The following MTOR variants were observed in gnomAD, a reference collection of about 807,000 sequenced individuals.
MTOR encodes the protein mechanistic target of rapamycin kinase.
In MTOR, 70 loss-of-function variants were observed where a neutral mutation model predicts 319.8. That is an observed-to-expected ratio of 0.22 (90% CI 0.18 to 0.27). The LOEUF (loss-of-function observed/expected upper bound fraction) is 0.27, where lower values mean the gene tolerates loss of function less well. Ranked by LOEUF, MTOR falls within the 10% of genes least tolerant of loss-of-function variation. The pLI is 1.00. For synonymous variants in MTOR, 1,183 were observed against 1,211.4 expected (o/e 0.98, Z 0.49); for missense variants, 1,890 against 3,274.4 (o/e 0.58, Z 10.32).
chr1:11,218,593 CAGAA>C (rs1190477093), intron 19 of MTOR, among the ~76,000 whole-genome samples: 2 of 152,054 alleles, frequency 1.3e-5, no homozygotes, highest in Middle Eastern at 3.2e-3. Flanking sequence ...AACTGAGAGA[CAGAA>C]AGAGGAAACA....
intron 28 of MTOR, among the ~76,000 whole-genome samples, chr1:11,182,043 C>G (rs994565682): frequency 5.9e-5 from 9 of 151,846 alleles, no homozygotes; most frequent in Middle Eastern, 6.8e-3. Flanking sequence ...CATGGAGAAA[C>G]CCCCTCTCTA....
chr1:11,175,061 G>A (rs1644939677), intron 28 of MTOR, among the ~76,000 whole-genome samples: 1 of 152,208 alleles, frequency 6.6e-6, no homozygotes, highest in African/African-American at 2.4e-5. Flanking sequence ...AAAGAGAACT[G>A]AGTCCCAAGA....
Position 11,247,895 on chromosome 1 carries a change from G to A in MTOR, c.1040C>T (p.Thr347Ile), listed in dbSNP as rs1471759941. ...SSHQGLMGFG[T>I]SPSPAKSTLV... is the part of the protein sequence containing the mutation. ...GGTGGACTTAGCTGGACTGGGGGAG[G>A]TCCCAAATCCCATGAGGCCTTGGTG... The change falls in exon 7 of 58, where the codon ACC (threonine) becomes ATC (isoleucine). Residue 347 changes from threonine to isoleucine, a missense_variant. This residue lies in a region of MTOR where 418 missense variants were observed against 543.1 expected (regional missense o/e 0.77). Transcript: ENST00000361445. 2 of 1,613,992 alleles carry A rather than the reference G, an allele frequency of 1.2e-6. No homozygotes were observed. The highest frequency in any genetic ancestry group is 2.7e-5 in the African/African-American group (2 of 74,884).
Position 11,257,125 on chromosome 1 carries a change from A to G in MTOR, c.312T>C (p.Ile104=). 6.2e-7 allele frequency: 1 copy of G among 1,613,848 alleles called. No individual in the cohort carries two copies. Among genetic ancestry groups the G allele is most frequent in the Admixed American group, 1.7e-5 (1 of 59,966 alleles). Residue 104 remains isoleucine (I), a synonymous_variant, in exon 4 of 58, where the codon ATT becomes ATC. Transcript: ENST00000361445. ...IGVEGGNATR[I]GRFANYLRNL... ...TCCGAAGATAGTTGGCAAATCTGCC[A>G]ATTCGGGTGGCATTCCCACCTTCCA...
chr1:11,126,041 CAA>C lies in MTOR; in HGVS notation c.6526+579_6526+580del, dbSNP rs757246303. Among the ~76,000 whole-genome samples the C allele has an allele frequency of 8.1e-3, 230 of 28,294 alleles. 3 individuals are homozygous for C. Among genetic ancestry groups the C allele is most frequent in the African/African-American group, 0.026 (210 of 8,110 alleles). The allele number at this position is 28,294 out of a possible 152,430, so 18.6% of individuals were successfully genotyped here. A position where few individuals can be genotyped will look rare whatever the true frequency, so the allele number is the denominator to read the frequency against. On this transcript the variant is annotated intron_variant, in intron 46 of 57. Coordinates refer to ENST00000361445, the MANE Select transcript of MTOR (RefSeq NM_004958.4). The stretch of plus-strand genomic sequence containing the variant: ...GGGCAACAAGAGCAAAACTCTGGCT[CAA>C]AAAAAAAAAAAAAAAAAAAAAAAGC...
rs201965377 is a variant in MTOR, at chr1:11,238,485, T to C, written c.1919A>G (p.His640Arg). ...LTPSIHLISG[H>R]AHVVSQTAVQ... is the part of the protein sequence containing the mutation. ...TGCGGTCTGGCTAACCACATGAGCA[T>C]GGCCACTGATGAGGTGGATGGAGGG... Residue 640 changes from histidine (H) to arginine (R), a missense_variant, in exon 12 of 58, where the codon CAT becomes CGT. His to Arg is a conservative substitution (Grantham distance 29, BLOSUM62 0). Around this residue, in one of 15 missense-constraint regions of MTOR, gnomAD observed 418 missense variants for 543.1 expected, o/e 0.77. Transcript: ENST00000361445. 12 of 1,614,092 alleles carry C rather than the reference T, an allele frequency of 7.4e-6. No homozygotes were observed. The East Asian group carries it at 1.6e-4, about 21-fold the overall frequency.
intron 19 of MTOR, among the ~76,000 whole-genome samples, chr1:11,218,834 C>G (rs568769700): frequency 1.3e-5 from 2 of 152,222 alleles, no homozygotes; most frequent in East Asian, 3.9e-4. Flanking sequence ...AAATATGATG[C>G]ACTAGATCTC....
At chr1:11,230,302 C>T (rs1414853256) in intron 18 of MTOR, among the ~76,000 whole-genome samples, 1 of 152,118 alleles carries the variant, frequency 6.6e-6, no homozygotes, top group Admixed American at 6.5e-5. Context: ...CACCTGTAGT[C>T]CCAGTTACCT....
rs2076657 is a variant in MTOR, at chr1:11,258,706, C to G, written c.163-113G>C. The G allele has an allele frequency of 0.66, 457,107 of 696,628 alleles. 157,939 individuals carry two copies. Among genetic ancestry groups the G allele is most frequent in the East Asian group, 0.79 (29,973 of 37,740 alleles). The allele number at this position is 696,628 out of a possible 1,614,324, so 43.2% of individuals were successfully genotyped here. On this transcript the variant is annotated intron_variant, in intron 2 of 57. Transcript: ENST00000361445. ...GAGAGGCAGGAGGTATAGTTCAAAC[C>G]AAAGAAGACAAGTTACTGCCCATTT... is the stretch of plus-strand genomic sequence containing the variant.
chr1:11,257,256 C>T (rs966907883), intron 3 of MTOR, 91 bp from the exon 4 acceptor site: 5 of 1,149,338 alleles, frequency 4.4e-6, no homozygotes, highest in Non-Finnish European at 6.3e-6. Flanking sequence ...TGAGTGCCGG[C>T]CAGGCACGGT....
chr1:11,181,721 T>TG (rs1645150468), intron 28 of MTOR, among the ~76,000 whole-genome samples: 1 of 152,298 alleles, frequency 6.6e-6, no homozygotes, highest in South Asian at 2.1e-4. Context: ...GGAGAGAGAC[T>TG]GTAAGTCTCC....
At chr1:11,256,291 C>T in intron 4 of MTOR, 99 bp from the exon 5 acceptor site, 3 of 1,487,692 alleles carry the variant, frequency 2.0e-6, no homozygotes, top group Non-Finnish European at 2.7e-6. Flanking sequence ...ACACCAGGAA[C>T]AGAGAAGGCT....
chr1:11,185,541 G>A (rs1259225075), intron 28 of MTOR, among the ~76,000 whole-genome samples: 1 of 152,086 alleles, frequency 6.6e-6, no homozygotes, highest in African/African-American at 2.4e-5. Flanking sequence ...GGGAGGTTGA[G>A]GCTGCAATGA....
intron 28 of MTOR, among the ~76,000 whole-genome samples, chr1:11,174,148 G>A (rs1644910883): frequency 6.6e-6 from 1 of 152,042 alleles, no homozygotes; most frequent in Non-Finnish European, 1.5e-5. Context: ...CCATGTTGAG[G>A]TAAAGAGAAA....
chr1:11,231,462 T>C (rs373265518), intron 16 of MTOR, 28 bp from the exon 17 acceptor site: 1 of 1,613,040 alleles, frequency 6.2e-7, no homozygotes, highest in Non-Finnish European at 8.5e-7. Flanking sequence ...CACGATTCAA[T>C]GAGCCAGTAC....
chr1:11,134,239 G>A (rs1247777458), intron 37 of MTOR, 112 bp downstream of exon 37: 1 of 854,618 alleles, frequency 1.2e-6, no homozygotes, highest in African/African-American at 1.7e-5. Flanking sequence ...GAAAAGGAAA[G>A]AGAGATGTCA....
At chr1:11,167,824 C>A (rs1170412724) in intron 28 of MTOR, among the ~76,000 whole-genome samples, 1 of 152,158 alleles carries the variant, frequency 6.6e-6, no homozygotes, top group East Asian at 1.9e-4. Context: ...AATCCCAGCA[C>A]TTTGGGAGGC....
intron 1 of MTOR, among the ~76,000 whole-genome samples, chr1:11,261,006 G>A (rs1651048275): frequency 1.3e-5 from 2 of 151,322 alleles, no homozygotes; most frequent in South Asian, 4.2e-4. Context: ...TGGCCAGGCT[G>A]GTCTCAAATT....
rs1434022343 is a variant in MTOR, at chr1:11,148,683, C to T, written c.4570+1443G>A. ...TTGGGAGGCCGAGGAGGATGGATCA[C>T]GAGATCAGGAGTTCAAGACCAGCCT... is the stretch of plus-strand genomic sequence containing the variant. On this transcript the variant is annotated intron_variant, in intron 31 of 57. Coordinates refer to ENST00000361445, the MANE Select transcript of MTOR (RefSeq NM_004958.4). Among the ~76,000 whole-genome samples, 6 of 151,868 alleles carry T rather than the reference C, an allele frequency of 4.0e-5. No individual in the cohort carries two copies. In the East Asian group the frequency reaches 1.2e-3, roughly 29 times the overall value.
Sources: allele counts gnomAD v4.1 joint callset (sites outside exome capture counted in the v4.1 genomes callset), GRCh38; gene constraint gnomAD v4.1.1; regional missense constraint gnomAD v4.1.1; transcripts MANE v1.5; gene names NCBI Gene and HGNC (gene_info 2026-07-23, HGNC 2026-07-21).